The following TCF7 variants were observed in gnomAD, a reference collection of about 807,000 sequenced individuals.
The protein encoded by TCF7 is transcription factor 7.
Under a neutral mutation model 46.8 loss-of-function variants are expected in TCF7, and 19 were observed. The observed-to-expected ratio is 0.41, with a 90% CI of 0.28 to 0.60. TCF7 has a LOEUF of 0.60. Among genes scored for constraint, TCF7 ranks in the 20% least tolerant of loss-of-function variants. The pLI, the probability that TCF7 is intolerant of heterozygous loss-of-function variation, is 0.35. For synonymous variants in TCF7, 245 were observed against 213.4 expected (o/e 1.15, Z -1.29); for missense variants, 547 against 504.6 (o/e 1.08, Z -0.81).
chr5:134,115,727 G>A, intron 2 of TCF7, 182 bp from the exon 3 acceptor site: 1 of 1,435,768 alleles, frequency 7.0e-7, no homozygotes, highest in South Asian at 1.5e-5. Flanking sequence ...CCACCTCGGG[G>A]AGGCCTGCCC....
chr5:134,132,679 C>T (rs1046756131), intron 3 of TCF7, among the ~76,000 whole-genome samples: 3 of 146,738 alleles, frequency 2.0e-5, no homozygotes, highest in Non-Finnish European at 3.0e-5. Flanking sequence ...CAGACCGCTG[C>T]GGTCTACAGG....
chr5:134,137,703 G>A (rs181532554), intron 3 of TCF7, among the ~76,000 whole-genome samples: 1 of 150,896 alleles, frequency 6.6e-6, no homozygotes, highest in Admixed American at 6.6e-5. Context: ...GTAGGCCTGG[G>A]TCCTCAGGCC....
chr5:134,111,841 A>G (rs1471048279), upstream of TCF7, among the ~76,000 whole-genome samples: 1 of 152,200 alleles, frequency 6.6e-6, no homozygotes, highest in Non-Finnish European at 1.5e-5. Context: ...TGGGTTTCAA[A>G]TTCTGACACC....
At chr5:134,110,984 C>A (rs1300521157), upstream of TCF7, among the ~76,000 whole-genome samples, 1 of 152,198 alleles carries the variant, frequency 6.6e-6, no homozygotes, top group Non-Finnish European at 1.5e-5. Context: ...AAAAATATCT[C>A]GTTCAAGAGC....
At chr5:134,137,869 CT>C (rs1301208260) in intron 3 of TCF7, 189 bp from the exon 4 acceptor site, 1 of 450,114 alleles carries the variant, frequency 2.2e-6, no homozygotes, top group Non-Finnish European at 4.0e-6. Context: ...GGTGGGACTG[CT>C]TGGGCAAAGT....
At chr5:134,134,294 C>T (rs1018547311) in intron 3 of TCF7, among the ~76,000 whole-genome samples, 4 of 152,254 alleles carry the variant, frequency 2.6e-5, no homozygotes, top group Admixed American at 1.3e-4. Context: ...GCCAGGCGCT[C>T]GGTCCATCCC....
chr5:134,138,374 G>T, intron 4 of TCF7: 1 of 539,978 alleles, frequency 1.9e-6, no homozygotes, highest in Non-Finnish European at 3.3e-6. Context: ...AAATGTGAAG[G>T]CTTCAGGTTG....
At chr5:134,115,208 C>G in intron 1 of TCF7, 53 bp downstream of exon 1, 2 of 1,157,496 alleles carry the variant, frequency 1.7e-6, no homozygotes, top group Non-Finnish European at 2.2e-6. Flanking sequence ...GCCGCGCCGC[C>G]CCAGTTGCGC....
At chr5:134,118,395 A>G (rs371438304) in intron 3 of TCF7, among the ~76,000 whole-genome samples, 68 of 152,328 alleles carry the variant, frequency 4.5e-4, no homozygotes, top group African/African-American at 1.3e-3. Flanking sequence ...TATGTGGTCA[A>G]CACTTATGCT....
intron 3 of TCF7, among the ~76,000 whole-genome samples, chr5:134,118,673 T>C (rs573311379): frequency 6.6e-6 from 1 of 152,258 alleles, no homozygotes; most frequent in South Asian, 2.1e-4. Context: ...AAGAAAAAAT[T>C]AGGTCAAAGT....
Position 134,138,953 on chromosome 5 carries a change from C to T in TCF7, c.550C>T (p.His184Tyr), listed in dbSNP as rs373694202. The change falls in exon 5 of 10, where the codon CAC becomes TAC. Residue 184 changes from histidine to tyrosine, a missense_variant and splice_region_variant. His to Tyr is a moderately conservative substitution (Grantham distance 83). Coordinates refer to ENST00000342854, the MANE Select transcript of TCF7 (RefSeq NM_003202.5). The part of the protein sequence containing the change: ...APADISQKQV[H>Y]RPLQTPDLSG... Reference sequence around the variant, plus strand: ...CACTCAGCTTCTCTCCTCTGCAGTTCACAGGCCTCTGCAGACCCCTGACCT... The same window carrying T: ...CACTCAGCTTCTCTCCTCTGCAGTTTACAGGCCTCTGCAGACCCCTGACCT... 3.1e-6 allele frequency: 5 copies of T among 1,613,896 alleles called. No individual in the cohort carries two copies. The Middle Eastern group carries it at 4.9e-4, about 160-fold the overall frequency.
chr5:134,144,055 A>G (rs1365325649), intron 9 of TCF7: 4 of 178,778 alleles, frequency 2.2e-5, no homozygotes, highest in East Asian at 1.5e-4. Flanking sequence ...CACACAGCCT[A>G]CTGGCTGGAG....
chr5:134,118,075 C>T (rs1405246340), intron 3 of TCF7, among the ~76,000 whole-genome samples: 1 of 152,240 alleles, frequency 6.6e-6, no homozygotes, highest in Admixed American at 6.5e-5. Flanking sequence ...GCTTGCATTA[C>T]CTGAAGACGT....
At chr5:134,123,269 C>T (rs1756851807) in intron 3 of TCF7, among the ~76,000 whole-genome samples, 1 of 152,214 alleles carries the variant, frequency 6.6e-6, no homozygotes, top group Non-Finnish European at 1.5e-5. Flanking sequence ...CTTGGGCCCT[C>T]AGCCTGTCGA....
In TCF7 at chr5:134,140,746, C is replaced by T. The variant is rs768685420; in HGVS notation, c.636-1439C>T. 1.6e-4 allele frequency: 71 copies of T among 453,922 alleles called. 1 individual carries two copies. Among genetic ancestry groups the T allele is most frequent in the South Asian group, 5.8e-4 (37 of 64,328 alleles). 28.1% of individuals were successfully genotyped at this position (453,922 alleles called of 1,614,324 possible). A position where few individuals can be genotyped will look rare whatever the true frequency, so the allele number is the denominator to read the frequency against. ...CTAGCAAGGTAGGGAAGTCTTTCCTCGTGTCTGGCCAGCAGCCAGACTGCT... is the reference window on the plus strand; with the variant it reads ...CTAGCAAGGTAGGGAAGTCTTTCCTTGTGTCTGGCCAGCAGCCAGACTGCT... On this transcript the variant is annotated intron_variant, in intron 5 of 9. Transcript: ENST00000342854.
chr5:134,108,218 C>T, the TCF7 span, among the ~76,000 whole-genome samples: 3 of 151,264 alleles, frequency 2.0e-5, no homozygotes, highest in East Asian at 5.8e-4. Context: ...GAACTGGAAA[C>T]CCGTCCGTCC....
chr5:134,140,097 C>A (rs1759509723), intron 5 of TCF7, among the ~76,000 whole-genome samples: 1 of 152,200 alleles, frequency 6.6e-6, no homozygotes, highest in South Asian at 2.1e-4. Context: ...GAGGGGACTT[C>A]AGGCAGCCCT....
chr5:134,126,276 C>G (rs1412886762), intron 3 of TCF7, among the ~76,000 whole-genome samples: 1 of 152,170 alleles, frequency 6.6e-6, no homozygotes, highest in Non-Finnish European at 1.5e-5. Context: ...CCAGAGCTCG[C>G]TGGCAGCCTT....
chr5:134,126,881 A>C (rs1317037659), intron 3 of TCF7, among the ~76,000 whole-genome samples: 26 of 151,360 alleles, frequency 1.7e-4, no homozygotes, highest in Admixed American at 1.7e-3. Context: ...TGGGCGACAG[A>C]GCTAGACTCT....
Sources: allele counts gnomAD v4.1 joint callset (sites outside exome capture counted in the v4.1 genomes callset), GRCh38; gene constraint gnomAD v4.1.1; transcripts MANE v1.5; gene names NCBI Gene and HGNC (gene_info 2026-07-23, HGNC 2026-07-21).